Variants in ASB2 observed in about 807,000 individuals in gnomAD.
ASB2 encodes ankyrin repeat and SOCS box containing 2, also known as ankyrin repeat and SOCS box protein 2.
In ASB2, 58 loss-of-function variants were observed where a neutral mutation model predicts 62.4. The observed-to-expected ratio is 0.93, with a 90% CI of 0.75 to 1.16. The LOEUF (loss-of-function observed/expected upper bound fraction) is 1.16, where lower values mean the gene tolerates loss of function less well. ASB2 is among the 50% of genes most tolerant of loss of function. ASB2 has a pLI of 0.00. For missense variants in ASB2, 928 were observed against 887.9 expected (o/e 1.05, Z -0.57); for synonymous variants, 386 against 385.3 (o/e 1.00, Z -0.02).
At chr14:93,954,523 C>A in intron 3 of ASB2, 40 bp from the exon 4 acceptor site, 1 of 1,601,328 alleles carries the variant, frequency 6.2e-7, no homozygotes. Context: ...AAGGTCAGGC[C>A]AAGGCCAGGC....
intron 3 of ASB2, among the ~76,000 whole-genome samples, chr14:93,956,523 G>A (rs542279733): frequency 8.1e-5 from 7 of 86,760 alleles, no homozygotes; most frequent in African/African-American, 1.6e-4. Context: ...GGGCATCTGA[G>A]GGGGGGATCA....
rs1246944321 is a variant in ASB2, at chr14:93,939,472, G to A, written c.1253C>T (p.Ala418Val). ...EDRRSSALYF[A>V]VVNNNVYATE... The stretch of plus-strand genomic sequence containing the variant: ...GGCGTACACGTTGTTGTTGACCACC[G>A]CGAAGTACAGCGCGGAGCTGCGCCG... The change falls in exon 8 of 10, where the codon GCG becomes GTG. Residue 418 changes from alanine to valine, a missense_variant. Coordinates refer to ENST00000555019, the MANE Select transcript of ASB2 (RefSeq NM_001202429.2). The A allele has an allele frequency of 6.2e-7, 1 of 1,612,140 alleles. No individual in the cohort carries two copies. The highest frequency in any genetic ancestry group is 8.5e-7 in the Non-Finnish European group (1 of 1,179,682).
chr14:93,962,562 C>T (rs547832321), intron 2 of ASB2, among the ~76,000 whole-genome samples: 1 of 152,294 alleles, frequency 6.6e-6, no homozygotes, highest in South Asian at 2.1e-4. Context: ...GGTCTCAATT[C>T]TCTAGGAGAG....
At chr14:93,956,913 G>A (rs772088067) in intron 2 of ASB2, 43 bp from the exon 3 acceptor site, 1 of 1,611,586 alleles carries the variant, frequency 6.2e-7, no homozygotes, top group Non-Finnish European at 8.5e-7. Context: ...AAAGTACTCT[G>A]CATAGGAGAA....
chr14:93,950,972 A>G (rs1307068788), intron 6 of ASB2, 27 bp downstream of exon 6: 1 of 1,600,618 alleles, frequency 6.2e-7, no homozygotes, highest in East Asian at 2.2e-5. Context: ...TGGGGACTCC[A>G]TGACCTAGGG....
At chr14:93,962,107 C>CTTTTTTTTTTTTTTTT (rs35800977) in intron 2 of ASB2, among the ~76,000 whole-genome samples, 1 of 72,998 alleles carries the variant, frequency 1.4e-5, no homozygotes, top group African/African-American at 5.6e-5. Flanking sequence ...ATTAAACATT[C>CTTTTTTTTTTTTTTTT]TTTTTTTTTT....
At position 93,954,382 on chromosome 14, in the gene ASB2, C is replaced by G; in HGVS notation, c.413G>C (p.Gly138Ala). Residue 138 changes from glycine to alanine, a missense_variant, in exon 4 of 10, where the codon GGC becomes GCC. By Grantham distance (60) the Gly-to-Ala change is moderately conservative. Transcript: ENST00000555019. ...GKNLAEPNKEGWLPLHEAAYY... is the reference protein window; with the variant it reads ...GKNLAEPNKEAWLPLHEAAYY... Reference sequence around the variant, plus strand: ...TGCGGCCTCGTGCAGCGGCAGCCAGCCCTCCTTGTTGGGCTCTGCGAGATT... The same window carrying G: ...TGCGGCCTCGTGCAGCGGCAGCCAGGCCTCCTTGTTGGGCTCTGCGAGATT... The G allele has an allele frequency of 6.2e-7, 1 of 1,614,052 alleles. No individual in the cohort carries two copies. Among genetic ancestry groups the G allele is most frequent in the South Asian group, 1.1e-5 (1 of 91,080 alleles).
intron 1 of ASB2, among the ~76,000 whole-genome samples, chr14:93,966,531 G>T (rs1418788999): frequency 2.0e-5 from 3 of 152,184 alleles, no homozygotes; most frequent in Non-Finnish European, 4.4e-5. Context: ...CCATGAGGGG[G>T]ACAGTGAATG....
At chr14:93,968,684 G>C (rs1244934057) in intron 1 of ASB2, among the ~76,000 whole-genome samples, 1 of 148,904 alleles carries the variant, frequency 6.7e-6, no homozygotes, top group East Asian at 1.9e-4. Flanking sequence ...ACACGCAGAG[G>C]GAGGAGAAGG....
chr14:93,975,132 C>T (rs2141327548), intron 1 of ASB2, among the ~76,000 whole-genome samples: 1 of 152,394 alleles, frequency 6.6e-6, no homozygotes, highest in East Asian at 1.9e-4. Context: ...GAGGTCAGGG[C>T]TGTGGCGGGG....
chr14:93,956,462 C>A (rs530152189), intron 3 of ASB2, among the ~76,000 whole-genome samples: 1 of 152,288 alleles, frequency 6.6e-6, no homozygotes, highest in South Asian at 2.1e-4. Context: ...GTGCTGGGTC[C>A]CCAGTTTCAG....
At chr14:93,949,399 G>A (rs996951126) in intron 6 of ASB2, among the ~76,000 whole-genome samples, 2 of 152,226 alleles carry the variant, frequency 1.3e-5, no homozygotes, top group African/African-American at 4.8e-5. Flanking sequence ...TTTCTCATCT[G>A]TTGACCAGGG....
chr14:93,941,906 G>A (rs1353884650), intron 7 of ASB2, among the ~76,000 whole-genome samples: 1 of 152,266 alleles, frequency 6.6e-6, no homozygotes, highest in Non-Finnish European at 1.5e-5. Flanking sequence ...CTGGAGATCA[G>A]TGCGTCCAGC....
chr14:93,966,132 A>G (rs17129397), intron 1 of ASB2, among the ~76,000 whole-genome samples: 8,524 of 152,320 alleles, frequency 0.056, 996 homozygotes, highest in East Asian at 0.53. Flanking sequence ...GAGGAGGTCA[A>G]AGTTCACTGC....
intron 8 of ASB2, 75 bp downstream of exon 8, chr14:93,939,033 C>T (rs899026743): frequency 8.4e-6 from 11 of 1,305,186 alleles, no homozygotes; most frequent in African/African-American, 4.7e-5. Context: ...CGGCCCCGCC[C>T]GCCTCCCATG....
chr14:93,954,550 C>T (rs1488311596), intron 3 of ASB2, 67 bp from the exon 4 acceptor site: 1 of 1,473,362 alleles, frequency 6.8e-7, no homozygotes, highest in East Asian at 2.3e-5. Context: ...GCCTCTCTCT[C>T]AGGAGTGCTG....
chr14:93,957,200 C>T, intron 2 of ASB2: 1 of 1,306,322 alleles, frequency 7.7e-7, no homozygotes, highest in Non-Finnish European at 9.7e-7. Context: ...CATTCTTCAC[C>T]CAGGAGGATG....
At chr14:93,938,978 G>A in intron 8 of ASB2, 130 bp downstream of exon 8, 1 of 815,566 alleles carries the variant, frequency 1.2e-6, no homozygotes, top group Non-Finnish European at 1.8e-6. Context: ...CCCCCGAAGG[G>A]TGTTAATCAC....
At chr14:93,954,991 C>A in intron 3 of ASB2, 1 of 453,806 alleles carries the variant, frequency 2.2e-6, no homozygotes, top group Non-Finnish European at 4.4e-6. Flanking sequence ...TTTAAAACTT[C>A]TGAATGTCAA....
Sources: gnomAD v4.1 joint callset for allele counts (sites outside exome capture counted in the v4.1 genomes callset) on GRCh38, gnomAD v4.1.1 for gene constraint, MANE v1.5 for transcripts, NCBI Gene and HGNC (gene_info 2026-07-23, HGNC 2026-07-21) for gene names.